Variants in DSCAML1 observed in about 807,000 individuals in gnomAD.
The protein encoded by DSCAML1 is DS cell adhesion molecule like 1.
In DSCAML1, 38 loss-of-function variants were observed where a neutral mutation model predicts 200.5. The observed-to-expected ratio is 0.19, with a 90% confidence interval of 0.15 to 0.25. The LOEUF (loss-of-function observed/expected upper bound fraction) is 0.25, where lower values mean the gene tolerates loss of function less well. Ranked by LOEUF, DSCAML1 falls within the 10% of genes least tolerant of loss-of-function variation. DSCAML1 has a pLI of 1.00. For synonymous variants in DSCAML1, 1,215 were observed against 1,165.0 expected (o/e 1.04, Z -0.87); for missense variants, 2,223 against 2,858.8 (o/e 0.78, Z 5.07).
Position 117,518,260 on chromosome 11 carries a change from A to C in DSCAML1, c.1510+206T>G, listed in dbSNP as rs1172236301. On this transcript the variant is annotated intron_variant, in intron 7 of 32. Transcript: ENST00000651296. This position sits in a 1 kb window ranked among gnomAD's most constrained non-coding sequence, Gnocchi z 6.3. ...GGAATGGGGAGGTGAATGAGGGTGA[A>C]CTGTACCAGACACACACACGCACAC... Among the ~76,000 whole-genome samples the C allele has an allele frequency of 6.6e-6, 1 of 151,956 alleles. No homozygotes were observed. The highest frequency in any genetic ancestry group is 6.6e-5 in the Admixed American group (1 of 15,252).
intron 3 of DSCAML1, among the ~76,000 whole-genome samples, chr11:117,705,245 G>A (rs527946296): frequency 1.1e-4 from 16 of 152,164 alleles, no homozygotes; most frequent in Non-Finnish European, 1.9e-4. Context: ...TACAGAGGCC[G>A]GGTAGTGCTT....
At chr11:117,536,828 A>G (rs2050180414) in intron 3 of DSCAML1, among the ~76,000 whole-genome samples, 2 of 152,026 alleles carry the variant, frequency 1.3e-5, no homozygotes, top group African/African-American at 4.8e-5. Flanking sequence ...TATTACTACA[A>G]AGACCCTGAC....
intron 3 of DSCAML1, among the ~76,000 whole-genome samples, chr11:117,542,614 ATATCT>A (rs1219444072): frequency 3.3e-5 from 5 of 152,222 alleles, no homozygotes; most frequent in African/African-American, 1.2e-4. Context: ...TCCAGGTGAA[ATATCT>A]TAAATTGTTA....
chr11:117,631,900 C>T (rs2052182356), intron 3 of DSCAML1, among the ~76,000 whole-genome samples: 1 of 152,154 alleles, frequency 6.6e-6, no homozygotes, highest in Non-Finnish European at 1.5e-5. Flanking sequence ...ACAGGAGGTC[C>T]CTGGCTGAGT....
At chr11:117,773,167 T>A (rs962268258) in intron 3 of DSCAML1, among the ~76,000 whole-genome samples, 4 of 152,102 alleles carry the variant, frequency 2.6e-5, no homozygotes, top group African/African-American at 9.7e-5. Context: ...CCAGACTCCT[T>A]CAGAAAGAGG....
chr11:117,814,070 T>C (rs2055782464), intron 1 of DSCAML1, among the ~76,000 whole-genome samples: 3 of 152,108 alleles, frequency 2.0e-5, no homozygotes, highest in Admixed American at 6.5e-5. Context: ...AACTGAGTGA[T>C]TAACCCTGTG....
chr11:117,663,288 C>G (rs1323554432), intron 3 of DSCAML1, among the ~76,000 whole-genome samples: 1 of 152,188 alleles, frequency 6.6e-6, no homozygotes, highest in Non-Finnish European at 1.5e-5. Context: ...GGCCCTCCTA[C>G]CTGGGTTCAG....
intron 3 of DSCAML1, among the ~76,000 whole-genome samples, chr11:117,561,617 TC>T (rs961871848): frequency 6.6e-6 from 1 of 152,178 alleles, no homozygotes; most frequent in African/African-American, 2.4e-5. Context: ...CATGTGCAGG[TC>T]CCTCTGCCTG....
chr11:117,748,668 A>T (rs549142836), intron 3 of DSCAML1, among the ~76,000 whole-genome samples: 8 of 152,164 alleles, frequency 5.3e-5, no homozygotes, highest in Non-Finnish European at 1.5e-5. Context: ...GAGGGCTGGG[A>T]CTCCAGGCTG....
At chr11:117,672,706 G>A (rs2137674034) in intron 3 of DSCAML1, among the ~76,000 whole-genome samples, 1 of 152,252 alleles carries the variant, frequency 6.6e-6, no homozygotes, top group African/African-American at 2.4e-5. Flanking sequence ...TATCATTCTG[G>A]GTTCTGTTTG....
At chr11:117,576,656 T>C (rs2050937308) in intron 3 of DSCAML1, among the ~76,000 whole-genome samples, 1 of 151,978 alleles carries the variant, frequency 6.6e-6, no homozygotes. Flanking sequence ...CCTGAATGCC[T>C]CATACAACAG....
chr11:117,728,191 T>C (rs1193936342), intron 3 of DSCAML1, among the ~76,000 whole-genome samples: 1 of 152,178 alleles, frequency 6.6e-6, no homozygotes, highest in African/African-American at 2.4e-5. Flanking sequence ...ACATGATCAT[T>C]CAATAGACAC....
intron 3 of DSCAML1, among the ~76,000 whole-genome samples, chr11:117,674,697 C>T (rs1056459435): frequency 3.9e-5 from 6 of 152,136 alleles, no homozygotes; most frequent in Admixed American, 2.6e-4. Flanking sequence ...GCAATTCCAT[C>T]GTGGGAGGGC....
intron 8 of DSCAML1, among the ~76,000 whole-genome samples, chr11:117,512,983 C>G (rs1247948699): frequency 6.6e-6 from 1 of 152,186 alleles, no homozygotes; most frequent in African/African-American, 2.4e-5. Flanking sequence ...TCAGGACGTT[C>G]CGAGTCCTCT....
chr11:117,635,950 C>T (rs917935263), intron 3 of DSCAML1, among the ~76,000 whole-genome samples: 3 of 152,180 alleles, frequency 2.0e-5, no homozygotes, highest in African/African-American at 7.2e-5. Context: ...CCACACCCCT[C>T]AGCCCTTCAT....
chr11:117,724,975 G>A (rs2054099738), intron 3 of DSCAML1, among the ~76,000 whole-genome samples: 1 of 152,210 alleles, frequency 6.6e-6, no homozygotes, highest in African/African-American at 2.4e-5. Context: ...GAGGGCAGAG[G>A]GAATGCATAA....
chr11:117,721,875 G>A (rs1382447331), intron 3 of DSCAML1, among the ~76,000 whole-genome samples: 1 of 149,678 alleles, frequency 6.7e-6, no homozygotes, highest in Non-Finnish European at 1.5e-5. Context: ...GCGCGATCTC[G>A]GCTCACTGAA....
chr11:117,769,501 A>ATATTTTATATATATTT (rs2054994086), intron 3 of DSCAML1, among the ~76,000 whole-genome samples: 1 of 5,644 alleles, frequency 1.8e-4, no homozygotes, highest in African/African-American at 4.8e-4. Context: ...TATATATATA[A>ATATTTTATATATATTT]TATATATTTT....
chr11:117,652,197 A>G (rs948794051), intron 3 of DSCAML1, among the ~76,000 whole-genome samples: 3 of 152,172 alleles, frequency 2.0e-5, no homozygotes, highest in East Asian at 1.9e-4. Flanking sequence ...CAGACTCCCA[A>G]TATCTTTTCT....
Sources: gnomAD v4.1 joint callset for allele counts (sites outside exome capture counted in the v4.1 genomes callset) on GRCh38, gnomAD v4.1.1 for gene constraint, Gnocchi (gnomAD v3.1) non-coding constraint, MANE v1.5 for transcripts, NCBI Gene and HGNC (gene_info 2026-07-23, HGNC 2026-07-21) for gene names.